ADAM9: variants seen among roughly 807,000 people sequenced by gnomAD.
ADAM9 encodes the protein disintegrin and metalloproteinase domain-containing protein 9.
A neutral mutation model predicts 108.1 loss-of-function variants in ADAM9; 54 were observed. That is an observed-to-expected ratio of 0.50 (90% confidence interval 0.40 to 0.63). ADAM9 has a LOEUF of 0.63. Among genes scored for constraint, ADAM9 ranks in the 20% least tolerant of loss-of-function variants. The probability of loss-of-function intolerance (pLI) is 0.00; values close to 1 mark genes in which losing one functional copy is unlikely to be tolerated. For missense variants in ADAM9, 830 were observed against 997.7 expected (o/e 0.83, Z 2.26); for synonymous variants, 316 against 336.0 (o/e 0.94, Z 0.65).
Position 39,093,395 on chromosome 8 carries a change from C to T in ADAM9, c.2298+2049C>T, listed in dbSNP as rs113002227. On this transcript the variant is annotated intron_variant, in intron 20 of 21. Transcript: ENST00000487273. The stretch of plus-strand genomic sequence containing the variant: ...TTTTCTGGATTTCTTTTTCAGATAG[C>T]TTGTTGTAGTGTATAGAAATACTAG... Among the ~76,000 whole-genome samples the T allele has an allele frequency of 4.1e-3, 629 of 151,978 alleles. 1 individual carries two copies. Among genetic ancestry groups the T allele is most frequent in the Non-Finnish European group, 7.3e-3 (493 of 67,960 alleles).
intron 2 of ADAM9, 32 bp downstream of exon 2, chr8:39,008,015 G>A: frequency 6.6e-7 from 1 of 1,504,734 alleles, no homozygotes; most frequent in Non-Finnish European, 9.2e-7. Context: ...ATAATATGTG[G>A]TTAATTTTTT....
intron 16 of ADAM9, among the ~76,000 whole-genome samples, chr8:39,079,863 G>A (rs1182683079): frequency 1.3e-5 from 2 of 152,240 alleles, no homozygotes; most frequent in South Asian, 2.1e-4. Flanking sequence ...GGGATTACAG[G>A]CGTGAGCCAT....
intron 14 of ADAM9, among the ~76,000 whole-genome samples, chr8:39,056,033 T>C (rs572670432): frequency 1.8e-4 from 27 of 152,224 alleles, no homozygotes; most frequent in African/African-American, 6.0e-4. Flanking sequence ...TATCTAGTTT[T>C]AATAATGTTG....
chr8:39,060,572 A>G (rs916656658), intron 14 of ADAM9, among the ~76,000 whole-genome samples: 2 of 152,226 alleles, frequency 1.3e-5, no homozygotes, highest in African/African-American at 4.8e-5. Context: ...ATATCTTGAC[A>G]TGTCCCACAC....
chr8:39,023,506 C>G (rs1025984101), intron 9 of ADAM9, among the ~76,000 whole-genome samples, 181 bp downstream of exon 9: 1 of 152,044 alleles, frequency 6.6e-6, no homozygotes, highest in East Asian at 1.9e-4. Context: ...TGACCTTTCT[C>G]CCATATCCTC....
Position 39,102,929 on chromosome 8 carries a change from C to G in ADAM9, c.2367-678C>G, listed in dbSNP as rs1839745820. ...ACCCTCCCATCCCCTAGAAGTCTTT[C>G]AAATTACAATTGCGTTGCAACTCTG... On this transcript the variant is annotated intron_variant, in intron 21 of 21. Coordinates refer to ENST00000487273, the MANE Select transcript of ADAM9 (RefSeq NM_003816.3). Among the ~76,000 whole-genome samples, 4 of 152,298 alleles carry G rather than the reference C, an allele frequency of 2.6e-5. No homozygotes were observed. The South Asian group carries it at 8.3e-4, about 32-fold the overall frequency.
At position 39,021,721 on chromosome 8, in the gene ADAM9, T is replaced by G. The variant is rs1310323019; in HGVS notation, c.744+7T>G. 6 of 1,608,170 alleles carry G rather than the reference T, an allele frequency of 3.7e-6. No homozygotes were observed. Among genetic ancestry groups the G allele is most frequent in the Non-Finnish European group, 8.5e-7 (1 of 1,174,758 alleles). ...GGCAAACTACTTGGATAGTGTAAGTTGTATTTTCTATCAACCAGGATGATT... is the reference window on the plus strand; with the variant it reads ...GGCAAACTACTTGGATAGTGTAAGTGGTATTTTCTATCAACCAGGATGATT... On this transcript the variant is annotated splice_region_variant and intron_variant, in intron 8 of 21. Transcript: ENST00000487273.
chr8:39,091,108 A>C (rs1383005284), intron 19 of ADAM9, 151 bp from the exon 20 acceptor site: 1 of 725,836 alleles, frequency 1.4e-6, no homozygotes, highest in African/African-American at 1.8e-5. Context: ...AAGCTGTTAA[A>C]ATGCCCTAAA....
chr8:39,089,786 G>GT, intron 18 of ADAM9: 1 of 446,822 alleles, frequency 2.2e-6, no homozygotes, highest in Non-Finnish European at 4.1e-6. Context: ...AGTGTTGACA[G>GT]TAGAAACGTA....
rs1396400400 is a variant in ADAM9 at position 39,045,389 on chromosome 8, T to C, written c.1302+3272T>C. Among the ~76,000 whole-genome samples the C allele has an allele frequency of 8.6e-4, 112 of 129,612 alleles. 23 individuals are homozygous for C. The highest frequency in any genetic ancestry group is 1.3e-3 in the Non-Finnish European group (78 of 61,262). The allele number at this position is 129,612 out of a possible 152,430, so 85.0% of individuals were successfully genotyped here. ...GTGTGTGTACATACACCTATAGGTG[T>C]GTGTACACACACCTATATGTGCGCG... On this transcript the variant is annotated intron_variant, in intron 12 of 21. Transcript: ENST00000487273.
intron 11 of ADAM9, among the ~76,000 whole-genome samples, chr8:39,032,564 G>A (rs538060114): frequency 6.6e-6 from 1 of 152,362 alleles, no homozygotes; most frequent in East Asian, 1.9e-4. Context: ...AATTTTCCAG[G>A]TACAGTCTGT....
chr8:39,048,274 A>G (rs1246969347), intron 12 of ADAM9, among the ~76,000 whole-genome samples: 1 of 152,002 alleles, frequency 6.6e-6, no homozygotes, highest in African/African-American at 2.4e-5. Context: ...TGTTTGTCCA[A>G]AAGTATTTTT....
At position 39,090,062 on chromosome 8, in the gene ADAM9, T is replaced by G. The variant is rs886062924; in HGVS notation, c.2084T>G (p.Leu695Trp). 5 of 1,613,860 alleles carry G rather than the reference T, an allele frequency of 3.1e-6. No individual in the cohort carries two copies. Among genetic ancestry groups the G allele is most frequent in the Non-Finnish European group, 4.2e-6 (5 of 1,179,960 alleles). ...GPTYNEMNTA[L>W]RDGLLVFFFL... ...TTCTCTCTAGAAATGAATACTGCAT[T>G]GAGGGACGGACTTCTGGTCTTCTTC... is the stretch of plus-strand genomic sequence containing the variant. Residue 695 changes from leucine to tryptophan, a missense_variant, in exon 19 of 22, where the codon TTG becomes TGG. Transcript: ENST00000487273.
Position 39,091,256 on chromosome 8 carries a change from C to T in ADAM9, c.2211-3C>T. 6.2e-7 allele frequency: 1 copy of T among 1,613,300 alleles called. No individual in the cohort carries two copies. The highest frequency in any genetic ancestry group is 8.5e-7 in the Non-Finnish European group (1 of 1,179,322). On this transcript the variant is annotated splice_polypyrimidine_tract_variant and splice_region_variant and intron_variant, in intron 19 of 21. Transcript: ENST00000487273. ...TTAGATCAAAAGTAATTGTATCTTTCAGGTCAGATGGCAAAAATCAAGCAA... is the reference window on the plus strand; with the variant it reads ...TTAGATCAAAAGTAATTGTATCTTTTAGGTCAGATGGCAAAAATCAAGCAA...
chr8:39,099,616 A>C (rs145253796), intron 20 of ADAM9, among the ~76,000 whole-genome samples: 91 of 152,308 alleles, frequency 6.0e-4, no homozygotes, highest in Non-Finnish European at 1.2e-3. Context: ...AGATCTTTGC[A>C]TACATTTAAA....
chr8:39,045,500 A>ACACC (rs1491315346), intron 12 of ADAM9, among the ~76,000 whole-genome samples: 1 of 144,500 alleles, frequency 6.9e-6, no homozygotes, highest in Admixed American at 6.8e-5. Context: ...GTGTGTATAC[A>ACACC]TATGTGTGTG....
chr8:39,009,795 C>A (rs1588326985), intron 2 of ADAM9, among the ~76,000 whole-genome samples: 1 of 150,612 alleles, frequency 6.6e-6, no homozygotes, highest in Non-Finnish European at 1.5e-5. Flanking sequence ...ATGCTAGGCA[C>A]CATTTAGGTA....
intron 7 of ADAM9, among the ~76,000 whole-genome samples, chr8:39,020,740 C>G (rs1836710420): frequency 6.6e-6 from 1 of 152,110 alleles, no homozygotes; most frequent in African/African-American, 2.4e-5. Flanking sequence ...CTGTTTCTGT[C>G]TCAGTTCTAT....
chr8:39,017,933 T>C (rs1836596098), intron 6 of ADAM9, among the ~76,000 whole-genome samples: 1 of 152,210 alleles, frequency 6.6e-6, no homozygotes, highest in Admixed American at 6.5e-5. Flanking sequence ...ACAACTCAAA[T>C]GGTGATTCTT....
Sources: gnomAD v4.1 joint callset for allele counts (sites outside exome capture counted in the v4.1 genomes callset) on GRCh38, gnomAD v4.1.1 for gene constraint, MANE v1.5 for transcripts, NCBI Gene and HGNC (gene_info 2026-07-23, HGNC 2026-07-21) for gene names.